Variants in PCBP3 observed in about 807,000 individuals in gnomAD.
PCBP3 encodes the protein poly(rC)-binding protein 3.
In PCBP3, 25 loss-of-function variants were observed where a neutral mutation model predicts 52.7. That is an observed-to-expected ratio of 0.47 (90% CI 0.35 to 0.66). The LOEUF (loss-of-function observed/expected upper bound fraction) is 0.66, where lower values mean the gene tolerates loss of function less well. Among genes scored for constraint, PCBP3 ranks in the 30% least tolerant of loss-of-function variants. The pLI is 0.01. For missense variants in PCBP3, 391 were observed against 490.3 expected (o/e 0.80, Z 1.91); for synonymous variants, 162 against 183.0 (o/e 0.89, Z 0.93).
At chr21:45,754,961 CT>C (rs1439700798) in intron 3 of PCBP3, among the ~76,000 whole-genome samples, 1 of 151,936 alleles carries the variant, frequency 6.6e-6, no homozygotes, top group Non-Finnish European at 1.5e-5. Context: ...TTCTTGGTAT[CT>C]TTTTTAACAT....
intron 2 of PCBP3, among the ~76,000 whole-genome samples, chr21:45,697,183 A>G (rs2082832478): frequency 6.6e-6 from 1 of 152,206 alleles, no homozygotes; most frequent in African/African-American, 2.4e-5. Flanking sequence ...AATGATATCT[A>G]TAAGAAATTT....
intron 5 of PCBP3, among the ~76,000 whole-genome samples, chr21:45,863,443 C>T (rs1385709402): frequency 6.6e-6 from 1 of 152,222 alleles, no homozygotes; most frequent in Non-Finnish European, 1.5e-5. Context: ...GCCGTGTGTC[C>T]TACAGGCTCG....
intron 4 of PCBP3, among the ~76,000 whole-genome samples, chr21:45,849,452 C>T (rs567273713): frequency 6.6e-6 from 1 of 152,110 alleles, no homozygotes; most frequent in South Asian, 2.1e-4. Flanking sequence ...GTGATCCTCC[C>T]GTCTTGGCCT....
intron 2 of PCBP3, among the ~76,000 whole-genome samples, chr21:45,716,469 T>C (rs1162263730): frequency 6.6e-6 from 1 of 152,202 alleles, no homozygotes; most frequent in Admixed American, 6.5e-5. Context: ...ATCAAAGTGT[T>C]GGCAGCTTTG....
At position 45,714,131 on chromosome 21, in the gene PCBP3, G is replaced by A. The variant is rs182276119; in HGVS notation, c.-199-21261G>A. ...CGTTCTCTTCAGCGTGGTTGGTTGC[G>A]CCTCCATTTCCCTCACTCCTTTGGG... is the stretch of plus-strand genomic sequence containing the variant. On this transcript the variant is annotated intron_variant, in intron 2 of 17. Coordinates refer to ENST00000681687, the MANE Select transcript of PCBP3 (RefSeq NM_001384156.1). Among the ~76,000 whole-genome samples, 27 of 152,230 alleles carry A rather than the reference G, an allele frequency of 1.8e-4. No homozygotes were observed. In the East Asian group the frequency reaches 2.1e-3, roughly 12 times the overall value.
chr21:45,909,910 CACCCACTGCCCAGATATGGACCCCCCCA>C (rs2096316558), intron 10 of PCBP3, among the ~76,000 whole-genome samples: 1 of 104,648 alleles, frequency 9.6e-6, no homozygotes, highest in Admixed American at 9.5e-5. Flanking sequence ...AGACCCGGCC[CACCCACTGCCCAGATATGGACCCCCCCA>C]ACCCACTTCC....
chr21:45,866,307 A>G (rs941034400), intron 5 of PCBP3, among the ~76,000 whole-genome samples: 3 of 152,236 alleles, frequency 2.0e-5, no homozygotes, highest in African/African-American at 4.8e-5. Context: ...GATATGAACC[A>G]GACAGACCTG....
chr21:45,925,197 G>A (rs534736152), intron 13 of PCBP3, among the ~76,000 whole-genome samples: 8 of 151,856 alleles, frequency 5.3e-5, no homozygotes, highest in South Asian at 2.1e-4. Context: ...ACGTAAGGTC[G>A]GGTGTGCGTG....
Position 45,805,486 on chromosome 21 carries a change from C to T in PCBP3, c.-125-44475C>T, listed in dbSNP as rs1204301373. 1.3e-5 allele frequency among the ~76,000 whole-genome samples: 2 copies of T among 152,146 alleles called. No homozygotes were observed. Among genetic ancestry groups the T allele is most frequent in the African/African-American group, 4.8e-5 (2 of 41,436 alleles). On this transcript the variant is annotated intron_variant, in intron 4 of 17. Transcript: ENST00000681687. The surrounding 1 kb of genome is among the most constrained non-coding windows in gnomAD (Gnocchi z 4.6). ...TCCCTTATCCACTGCCTCAAGGTTC[C>T]CACCAGCAGAGTGGGGCCACCTGGG...
chr21:45,706,687 G>A (rs1013063810), intron 2 of PCBP3, among the ~76,000 whole-genome samples: 1 of 152,170 alleles, frequency 6.6e-6, no homozygotes, highest in Non-Finnish European at 1.5e-5. Flanking sequence ...CAGCATTTAG[G>A]TTGAGAAGCC....
In PCBP3 at chr21:45,733,532, C is replaced by T. The variant is rs544234046; in HGVS notation, c.-199-1860C>T. 1.9e-4 allele frequency among the ~76,000 whole-genome samples: 29 copies of T among 152,264 alleles called. 1 individual carries two copies. The South Asian group carries it at 4.4e-3, about 23-fold the overall frequency. On this transcript the variant is annotated intron_variant, in intron 2 of 17. Coordinates refer to ENST00000681687, the MANE Select transcript of PCBP3 (RefSeq NM_001384156.1). Reference sequence around the variant, plus strand: ...GGTCTCGATCTCCTGACCTCATGATCTGCCCGCCTCGGCCTCCCAAAGTGC... The same window carrying T: ...GGTCTCGATCTCCTGACCTCATGATTTGCCCGCCTCGGCCTCCCAAAGTGC...
At chr21:45,843,282 T>G (rs1165941021) in intron 4 of PCBP3, among the ~76,000 whole-genome samples, 1 of 152,244 alleles carries the variant, frequency 6.6e-6, no homozygotes, top group African/African-American at 2.4e-5. Flanking sequence ...TTTACGTGAC[T>G]ACTATCCCCT....
chr21:45,845,251 T>C (rs556273338), intron 4 of PCBP3, among the ~76,000 whole-genome samples: 37 of 152,236 alleles, frequency 2.4e-4, no homozygotes, highest in Non-Finnish European at 3.7e-4. Flanking sequence ...CTGAGAGGCA[T>C]GAGGAGAATG....
chr21:45,811,270 A>AGGCC lies in PCBP3; in HGVS notation c.-125-38690_-125-38687dup, dbSNP rs1453041081. Among the ~76,000 whole-genome samples the AGGCC allele has an allele frequency of 2.0e-5, 3 of 152,234 alleles. No individual in the cohort carries two copies. The East Asian group carries it at 5.8e-4, about 29-fold the overall frequency. The stretch of plus-strand genomic sequence containing the variant: ...TGCTGATGAGAGCCCCGACAGCAGG[A>AGGCC]GGCCCCACTGGGCTCTCCGCAGCAG... On this transcript the variant is annotated intron_variant, in intron 4 of 17. Transcript: ENST00000681687.
intron 5 of PCBP3, among the ~76,000 whole-genome samples, chr21:45,863,828 G>A (rs1277627232): frequency 6.6e-6 from 1 of 152,206 alleles, no homozygotes; most frequent in Admixed American, 6.5e-5. Flanking sequence ...GCTTCGACGG[G>A]AGTCCCAGGC....
At chr21:45,911,264 T>C (rs980585043) in intron 11 of PCBP3, 4 of 601,862 alleles carry the variant, frequency 6.6e-6, no homozygotes, top group African/African-American at 1.8e-5. Context: ...GGGGAGAGCA[T>C]GTGGAGAGGA....
intron 2 of PCBP3, among the ~76,000 whole-genome samples, chr21:45,685,442 G>A (rs140887691): frequency 1.7e-4 from 26 of 152,194 alleles, no homozygotes; most frequent in African/African-American, 5.8e-4. Flanking sequence ...ATAAAAATAA[G>A]AAATACAAAA....
intron 4 of PCBP3, among the ~76,000 whole-genome samples, chr21:45,797,704 C>CTG (rs2092023000): frequency 1.1e-3 from 6 of 5,544 alleles, no homozygotes; most frequent in Admixed American, 1.9e-3. Flanking sequence ...GTGCATGGAT[C>CTG]CACAGAGAGT....
At chr21:45,754,779 T>C (rs2087873057) in intron 3 of PCBP3, among the ~76,000 whole-genome samples, 1 of 152,214 alleles carries the variant, frequency 6.6e-6, no homozygotes, top group Non-Finnish European at 1.5e-5. Context: ...CTACTGTCTT[T>C]GGCTTCCATT....
Sources: gnomAD v4.1 joint callset for allele counts (sites outside exome capture counted in the v4.1 genomes callset) on GRCh38, gnomAD v4.1.1 for gene constraint, Gnocchi (gnomAD v3.1) non-coding constraint, MANE v1.5 for transcripts, NCBI Gene and HGNC (gene_info 2026-07-23, HGNC 2026-07-21) for gene names.